KCNN1: variants seen among roughly 807,000 people sequenced by gnomAD.
KCNN1 encodes potassium calcium-activated channel subfamily N member 1.
In KCNN1, 20 loss-of-function variants were observed where a neutral mutation model predicts 44.7. That is an observed-to-expected ratio of 0.45 (90% CI 0.32 to 0.65). The LOEUF is 0.65. Ranked by LOEUF, KCNN1 falls within the 30% of genes least tolerant of loss-of-function variation. The pLI, the probability that KCNN1 is intolerant of heterozygous loss-of-function variation, is 0.05. For synonymous variants in KCNN1, 324 were observed against 341.7 expected, an observed-to-expected ratio of 0.95 and a Z score of 0.57; for missense variants, 632 against 785.3, an observed-to-expected ratio of 0.80 and a Z score of 2.33.
At chr19:17,979,797 T>G (rs1044141749) in intron 3 of KCNN1, among the ~76,000 whole-genome samples, 1 of 152,064 alleles carries the variant, frequency 6.6e-6, no homozygotes, top group African/African-American at 2.4e-5. Flanking sequence ...GGAAGTGACT[T>G]TTTTTTCTTT....
chr19:17,961,706 C>T (rs541704547), intron 2 of KCNN1, among the ~76,000 whole-genome samples: 47 of 152,002 alleles, frequency 3.1e-4, no homozygotes, highest in Non-Finnish European at 5.6e-4. Flanking sequence ...CTCAGCACCC[C>T]CTAGTAGCTG....
intron 9 of KCNN1, among the ~76,000 whole-genome samples, chr19:17,997,343 C>T (rs1408288703): frequency 1.3e-5 from 2 of 152,160 alleles, no homozygotes; most frequent in Admixed American, 1.3e-4. Flanking sequence ...GGAGCAACGT[C>T]AGCCCCAAAC....
chr19:17,982,041 C>T lies in KCNN1; in HGVS notation c.831C>T (p.Leu277=). ...ACACGCGCTTCGTCATGAAGACACT[C>T]ATGACCATCTGCCCCGGCACCGTGC... ...TFNTRFVMKT[L]MTICPGTVLL... is the part of the protein sequence containing the mutation. The change falls in exon 4 of 10, where the codon CTC becomes CTT. Residue 277 remains leucine, a synonymous_variant. Coordinates refer to ENST00000684775, the MANE Select transcript of KCNN1 (RefSeq NM_001386974.1). 1 of 1,609,896 alleles carries T rather than the reference C, an allele frequency of 6.2e-7. No homozygotes were observed. Among genetic ancestry groups the T allele is most frequent in the Non-Finnish European group, 8.5e-7 (1 of 1,178,322 alleles).
At chr19:17,988,597 T>A in intron 6 of KCNN1, 72 bp downstream of exon 6, 1 of 1,121,672 alleles carries the variant, frequency 8.9e-7, no homozygotes. Flanking sequence ...CTGCTTTCCC[T>A]CTGTACGTGC....
intron 2 of KCNN1, among the ~76,000 whole-genome samples, chr19:17,955,645 A>G (rs2031526035): frequency 6.6e-6 from 1 of 151,680 alleles, no homozygotes. Context: ...GATGATAGCA[A>G]GGACTATGCT....
chr19:17,969,585 C>T (rs566413605), intron 1 of KCNN1, among the ~76,000 whole-genome samples: 3 of 152,296 alleles, frequency 2.0e-5, no homozygotes, highest in East Asian at 3.9e-4. Flanking sequence ...CCTTAGGACG[C>T]GGCTGCCAGG....
upstream of KCNN1, among the ~76,000 whole-genome samples, chr19:17,962,341 GAGAACCGGGA>G (rs1700612566): frequency 6.6e-6 from 1 of 152,178 alleles, no homozygotes; most frequent in African/African-American, 2.4e-5. Flanking sequence ...AGCCCATGGG[GAGAACCGGGA>G]AGGATCAGGC....
At position 17,969,987 on chromosome 19, in the gene KCNN1, G is replaced by A. The variant is rs139251608; in HGVS notation, c.-82+2670G>A. 1.1e-3 allele frequency among the ~76,000 whole-genome samples: 171 copies of A among 152,342 alleles called. 1 individual carries two copies. Among genetic ancestry groups the A allele is most frequent in the African/African-American group, 3.9e-3 (161 of 41,580 alleles). ...CCCACCTAAGTATTTGTGAGGTTAC[G>A]GAAAGATCAGGGCCAAGGTCAGCCT... On this transcript the variant is annotated intron_variant, in intron 1 of 9. Transcript: ENST00000684775.
chr19:17,976,569 C>T (rs1568452444), intron 3 of KCNN1, among the ~76,000 whole-genome samples: 1 of 151,794 alleles, frequency 6.6e-6, no homozygotes, highest in Non-Finnish European at 1.5e-5. Context: ...CAGGCATGTG[C>T]CACCACACCC....
At chr19:17,978,123 C>CTTT (rs1201709941) in intron 3 of KCNN1, among the ~76,000 whole-genome samples, 1 of 147,294 alleles carries the variant, frequency 6.8e-6, no homozygotes, top group African/African-American at 2.5e-5. Context: ...TATATGTATA[C>CTTT]TTGTTTTTTT....
rs1305623530 is a variant in KCNN1, at chr19:17,993,170, A to G, written c.1307+108A>G. The G allele has an allele frequency of 7.5e-7, 1 of 1,341,660 alleles. No homozygotes were observed. Among genetic ancestry groups the G allele is most frequent in the East Asian group, 2.4e-5 (1 of 42,406 alleles). 83.1% of individuals were successfully genotyped at this position (1,341,660 alleles called of 1,614,324 possible). A position where few individuals can be genotyped will look rare whatever the true frequency, so the allele number is the denominator to read the frequency against. The stretch of plus-strand genomic sequence containing the variant: ...GCCAACCCCAGCCTCAGAGGCGGGC[A>G]GGGTTCACATCTGCCCCATGGATCC... On this transcript the variant is annotated intron_variant, in intron 8 of 9. Transcript: ENST00000684775. This position sits in a 1 kb window ranked among gnomAD's most constrained non-coding sequence, Gnocchi z 4.5.
At position 17,998,081 on chromosome 19, in the gene KCNN1, G is replaced by A; in HGVS notation, c.1378-71G>A. On this transcript the variant is annotated intron_variant, in intron 9 of 9. Coordinates refer to ENST00000684775, the MANE Select transcript of KCNN1 (RefSeq NM_001386974.1). The surrounding 1 kb of genome is among the most constrained non-coding windows in gnomAD (Gnocchi z 5.4). The stretch of plus-strand genomic sequence containing the variant: ...GTGTGGGCTGTCCCTCTCTGTCATT[G>A]GTGTCGTGGTATCGTCCTTTCCTCT... 1 of 1,449,036 alleles carries A rather than the reference G, an allele frequency of 6.9e-7. No individual in the cohort carries two copies. Among genetic ancestry groups the A allele is most frequent in the African/African-American group, 1.4e-5 (1 of 70,678 alleles). The allele number at this position is 1,449,036 out of a possible 1,614,324, so 89.8% of individuals were successfully genotyped here.
At chr19:17,984,635 C>T (rs1482312473) in intron 4 of KCNN1, among the ~76,000 whole-genome samples, 1 of 152,198 alleles carries the variant, frequency 6.6e-6, no homozygotes, top group Non-Finnish European at 1.5e-5. Flanking sequence ...AGCATGGCCA[C>T]AGGCAGAACC....
chr19:17,998,427 C>A lies in KCNN1; in HGVS notation c.*21C>A. The A allele has an allele frequency of 2.1e-6, 3 of 1,460,774 alleles. No individual in the cohort carries two copies. Among genetic ancestry groups the A allele is most frequent in the Non-Finnish European group, 2.7e-6 (3 of 1,113,304 alleles). The allele number at this position is 1,460,774 out of a possible 1,614,324, so 90.5% of individuals were successfully genotyped here. On this transcript the variant is annotated 3_prime_UTR_variant, in exon 10 of 10. Coordinates refer to ENST00000684775, the MANE Select transcript of KCNN1 (RefSeq NM_001386974.1). The surrounding 1 kb of genome is among the most constrained non-coding windows in gnomAD (Gnocchi z 5.4). ...GGTGACGGCCCTGCCCGCCACCAGACCCCTAAATCTTGGCCATCGTGTGGC... is the reference window on the plus strand; with the variant it reads ...GGTGACGGCCCTGCCCGCCACCAGAACCCTAAATCTTGGCCATCGTGTGGC...
At chr19:17,970,467 A>G (rs2031980379) in intron 1 of KCNN1, among the ~76,000 whole-genome samples, 1 of 151,218 alleles carries the variant, frequency 6.6e-6, no homozygotes, top group South Asian at 2.1e-4. Flanking sequence ...ACAGGTGCCC[A>G]CTACCACGCC....
chr19:17,978,135 T>G (rs1455449317), intron 3 of KCNN1, among the ~76,000 whole-genome samples: 6 of 151,048 alleles, frequency 4.0e-5, no homozygotes, highest in Non-Finnish European at 7.4e-5. Flanking sequence ...TGTTTTTTTT[T>G]TTTTTTTTTG....
At chr19:17,956,125 A>G (rs551318394) in intron 2 of KCNN1, among the ~76,000 whole-genome samples, 31 of 152,084 alleles carry the variant, frequency 2.0e-4, no homozygotes, top group Admixed American at 5.2e-4. Flanking sequence ...TTCAGTAGAG[A>G]TGGGGTTTCC....
Position 17,992,595 on chromosome 19 carries a change from C to T in KCNN1, c.1299-459C>T, listed in dbSNP as rs187303535. On this transcript the variant is annotated intron_variant, in intron 7 of 9. Coordinates refer to ENST00000684775, the MANE Select transcript of KCNN1 (RefSeq NM_001386974.1). ...CCGCCTGGGTGACAGAGTGAGACTCCGTCTCAAAAAAAACAAAGGGATGGT... is the reference window on the plus strand; with the variant it reads ...CCGCCTGGGTGACAGAGTGAGACTCTGTCTCAAAAAAAACAAAGGGATGGT... Among the ~76,000 whole-genome samples the T allele has an allele frequency of 1.8e-4, 27 of 151,922 alleles. No homozygotes were observed. The South Asian group carries it at 2.3e-3, about 13-fold the overall frequency.
upstream of KCNN1, among the ~76,000 whole-genome samples, chr19:17,962,962 A>G (rs1233647470): frequency 2.0e-5 from 3 of 147,736 alleles, no homozygotes; most frequent in South Asian, 6.4e-4. Flanking sequence ...TGGCCTCCCA[A>G]AGTGCTGGGA....
Sources: gnomAD v4.1 joint callset for allele counts (sites outside exome capture counted in the v4.1 genomes callset) on GRCh38, gnomAD v4.1.1 for gene constraint, Gnocchi (gnomAD v3.1) non-coding constraint, MANE v1.5 for transcripts, NCBI Gene and HGNC (gene_info 2026-07-23, HGNC 2026-07-21) for gene names.